Variants in SCYL3 observed in about 807,000 individuals in gnomAD.
SCYL3 encodes SCY1 like pseudokinase 3.
In SCYL3, 35 loss-of-function variants were observed where a neutral mutation model predicts 73.8. The ratio of observed to expected loss-of-function variants is 0.47; its 90% CI spans 0.36 to 0.63. The LOEUF is 0.63. SCYL3 is among the 20% of genes least tolerant of loss of function. The probability of loss-of-function intolerance (pLI) is 0.00; values close to 1 mark genes in which losing one functional copy is unlikely to be tolerated. For synonymous variants in SCYL3, 277 were observed against 295.2 expected (o/e 0.94, Z 0.63); for missense variants, 712 against 798.9 (o/e 0.89, Z 1.31).
At chr1:169,858,664 G>A (rs911364501) in intron 11 of SCYL3, among the ~76,000 whole-genome samples, 9 of 152,016 alleles carry the variant, frequency 5.9e-5, no homozygotes, top group Non-Finnish European at 1.2e-4. Flanking sequence ...ACAAACACAT[G>A]AGTAATGCAT....
chr1:169,893,099 G>A (rs1174621323), intron 1 of SCYL3, among the ~76,000 whole-genome samples: 1 of 152,156 alleles, frequency 6.6e-6, no homozygotes, highest in Non-Finnish European at 1.5e-5. Context: ...TGTGATTTCA[G>A]CTCAAGATAC....
chr1:169,892,851 C>T lies in SCYL3; in HGVS notation c.-51+937G>A, dbSNP rs763071855. Among the ~76,000 whole-genome samples, 3 of 152,100 alleles carry T rather than the reference C, an allele frequency of 2.0e-5. No homozygotes were observed. In the South Asian group the frequency reaches 6.2e-4, roughly 32 times the overall value. ...TGTTTCTACCAAATATTTTCTTTTCCCAGCAATTACTCGAGACTACCTTGG... is the reference window on the plus strand; with the variant it reads ...TGTTTCTACCAAATATTTTCTTTTCTCAGCAATTACTCGAGACTACCTTGG... On this transcript the variant is annotated intron_variant, in intron 1 of 12. Transcript: ENST00000367771.
At chr1:169,878,991 T>C (rs1374451350) in intron 2 of SCYL3, among the ~76,000 whole-genome samples, 172 bp from the exon 3 acceptor site, 1 of 152,240 alleles carries the variant, frequency 6.6e-6, no homozygotes, top group Non-Finnish European at 1.5e-5. Flanking sequence ...CTATTACTTG[T>C]TCTGACATCA....
In SCYL3 at chr1:169,852,974, A is replaced by C. The variant is rs1558107808; in HGVS notation, c.*739T>G. 6.2e-7 allele frequency: 1 copy of C among 1,614,008 alleles called. No individual in the cohort carries two copies. Among genetic ancestry groups the C allele is most frequent in the Admixed American group, 1.7e-5 (1 of 60,020 alleles). On this transcript the variant is annotated 3_prime_UTR_variant, in exon 13 of 13. Transcript: ENST00000367771. The stretch of plus-strand genomic sequence containing the variant: ...ATGGATAAGCTAAAACGTTACATAC[A>C]TACTCTAGGGTGAAACTTATCACTA...
At chr1:169,868,882 G>A in intron 7 of SCYL3, 46 bp downstream of exon 7, 1 of 1,369,082 alleles carries the variant, frequency 7.3e-7, no homozygotes, top group Non-Finnish European at 1.0e-6. Flanking sequence ...AGAGCAGGCA[G>A]CAGTGTTCCG....
chr1:169,882,301 A>G (rs984907617), intron 2 of SCYL3, among the ~76,000 whole-genome samples: 1 of 152,180 alleles, frequency 6.6e-6, no homozygotes, highest in Non-Finnish European at 1.5e-5. Flanking sequence ...GTGCCAGCCC[A>G]CCGGTGCTGC....
At chr1:169,883,489 G>GCCC (rs1185365247) in intron 2 of SCYL3, among the ~76,000 whole-genome samples, 1 of 152,180 alleles carries the variant, frequency 6.6e-6, no homozygotes, top group East Asian at 1.9e-4. Flanking sequence ...TGGGAGGAGA[G>GCCC]TGATGAAATA....
At chr1:169,879,500 T>C (rs1395715350) in intron 2 of SCYL3, among the ~76,000 whole-genome samples, 2 of 152,128 alleles carry the variant, frequency 1.3e-5, no homozygotes, top group African/African-American at 2.4e-5. Flanking sequence ...AGGTTGCAAA[T>C]ACCATTCACA....
At position 169,850,290 on chromosome 1, in the gene SCYL3, C is replaced by T. The variant is rs763473653; in HGVS notation, c.*3423G>A. On this transcript the variant is annotated 3_prime_UTR_variant, in exon 13 of 13. Coordinates refer to ENST00000367771, the MANE Select transcript of SCYL3 (RefSeq NM_020423.7). ...GGAACAAATCATGAAGAGATAGTTC[C>T]ACAGTGTCTCAGTTCTGAAGAAACT... 6.2e-7 allele frequency: 1 copy of T among 1,612,064 alleles called. No individual in the cohort carries two copies. Among genetic ancestry groups the T allele is most frequent in the Non-Finnish European group, 8.5e-7 (1 of 1,178,530 alleles).
At chr1:169,880,040 G>A (rs1398819365) in intron 2 of SCYL3, among the ~76,000 whole-genome samples, 1 of 152,084 alleles carries the variant, frequency 6.6e-6, no homozygotes, top group East Asian at 1.9e-4. Context: ...GGCCAATGCA[G>A]GAGGATCACT....
intron 4 of SCYL3, 33 bp from the exon 5 acceptor site, chr1:169,873,785 C>A (rs1660599868): frequency 6.7e-7 from 1 of 1,488,622 alleles, no homozygotes; most frequent in Non-Finnish European, 9.3e-7. Context: ...GAAAATGATT[C>A]ATACATATGT....
In SCYL3 at chr1:169,851,993, AC is replaced by A. The variant is rs760252300; in HGVS notation, c.*1719del. The A allele has an allele frequency of 3.1e-6, 5 of 1,612,196 alleles. No homozygotes were observed. The highest frequency in any genetic ancestry group is 2.2e-5 in the South Asian group (2 of 90,866). ...TAACAAGGCAAATTCTGCCCTTTTT[AC>A]TTACTGACGAAACAAACCAGTGTGG... On this transcript the variant is annotated 3_prime_UTR_variant, in exon 13 of 13. Transcript: ENST00000367771.
At chr1:169,877,871 A>G (rs972579847) in intron 3 of SCYL3, among the ~76,000 whole-genome samples, 1 of 152,244 alleles carries the variant, frequency 6.6e-6, no homozygotes, top group African/African-American at 2.4e-5. Flanking sequence ...TAAATCCAAC[A>G]TGATATTTGG....
chr1:169,892,844 T>C (rs1333301585), intron 1 of SCYL3, among the ~76,000 whole-genome samples: 2 of 152,218 alleles, frequency 1.3e-5, no homozygotes, highest in Non-Finnish European at 2.9e-5. Flanking sequence ...CCAAATATTT[T>C]CTTTTCCCAG....
intron 4 of SCYL3, 124 bp from the exon 5 acceptor site, chr1:169,873,876 C>G: frequency 1.6e-6 from 1 of 625,724 alleles, no homozygotes; most frequent in Non-Finnish European, 2.8e-6. Context: ...AAATCAATGC[C>G]GCATATTAGA....
In SCYL3 at chr1:169,851,649, G is replaced by A. The variant is rs1389129043; in HGVS notation, c.*2064C>T. 6 of 758,248 alleles carry A rather than the reference G, an allele frequency of 7.9e-6. No homozygotes were observed. Among genetic ancestry groups the A allele is most frequent in the African/African-American group, 3.5e-5 (2 of 56,588 alleles). The allele number at this position is 758,248 out of a possible 1,614,324, so 47.0% of individuals were successfully genotyped here. A position where few individuals can be genotyped will look rare whatever the true frequency, so the allele number is the denominator to read the frequency against. ...CTATTTTGTAAGGAAGAACACAGTAGAGTGATTTAATCCAGATTATACTAA... is the reference window on the plus strand; with the variant it reads ...CTATTTTGTAAGGAAGAACACAGTAAAGTGATTTAATCCAGATTATACTAA... On this transcript the variant is annotated 3_prime_UTR_variant, in exon 13 of 13. Coordinates refer to ENST00000367771, the MANE Select transcript of SCYL3 (RefSeq NM_020423.7).
In SCYL3 at chr1:169,852,703, T is replaced by C; in HGVS notation, c.*1010A>G. On this transcript the variant is annotated 3_prime_UTR_variant, in exon 13 of 13. Coordinates refer to ENST00000367771, the MANE Select transcript of SCYL3 (RefSeq NM_020423.7). ...TTGTGATCCAATGACTAGAATAAAATTTGCATGTAAGCTTTACTCCAGTCC... is the reference window on the plus strand; with the variant it reads ...TTGTGATCCAATGACTAGAATAAAACTTGCATGTAAGCTTTACTCCAGTCC... The C allele has an allele frequency of 7.3e-7, 1 of 1,361,584 alleles. No individual in the cohort carries two copies. The highest frequency in any genetic ancestry group is 1.0e-6 in the Non-Finnish European group (1 of 973,752). The allele number at this position is 1,361,584 out of a possible 1,614,324, so 84.3% of individuals were successfully genotyped here.
intron 2 of SCYL3, among the ~76,000 whole-genome samples, chr1:169,882,737 C>T (rs1274993386): frequency 6.6e-6 from 1 of 152,172 alleles, no homozygotes; most frequent in Non-Finnish European, 1.5e-5. Context: ...TATCTAGCTA[C>T]TCTGGTGGGG....
intron 3 of SCYL3, among the ~76,000 whole-genome samples, chr1:169,876,980 A>G (rs1660890788): frequency 6.7e-6 from 1 of 149,320 alleles, no homozygotes; most frequent in Non-Finnish European, 1.5e-5. Flanking sequence ...AAAAAAAAAA[A>G]AAAAAAAAGA....
Sources: allele counts gnomAD v4.1 joint callset (sites outside exome capture counted in the v4.1 genomes callset), GRCh38; gene constraint gnomAD v4.1.1; transcripts MANE v1.5; gene names NCBI Gene and HGNC (gene_info 2026-07-23, HGNC 2026-07-21).